Variants in GPM6A observed in about 807,000 individuals in gnomAD.
GPM6A encodes the protein neuronal membrane glycoprotein M6-a.
In GPM6A, 7 loss-of-function variants were observed where a neutral mutation model predicts 32.1. The observed-to-expected ratio is 0.22, with a 90% CI of 0.12 to 0.41. The LOEUF is 0.41. GPM6A is among the 10% of genes least tolerant of loss of function. GPM6A has a pLI of 1.00. For missense variants in GPM6A, 235 were observed against 347.2 expected (o/e 0.68, Z 2.57); for synonymous variants, 130 against 123.4 (o/e 1.05, Z -0.35).
chr4:175,927,674 C>G (rs1039728942), intron 1 of GPM6A, among the ~76,000 whole-genome samples: 1 of 152,208 alleles, frequency 6.6e-6, no homozygotes, highest in East Asian at 1.9e-4. Flanking sequence ...CACTTGAGGT[C>G]AGGCGCTCGA....
At chr4:175,869,776 AC>A (rs1280666165) in intron 1 of GPM6A, among the ~76,000 whole-genome samples, 12 of 128,996 alleles carry the variant, frequency 9.3e-5, no homozygotes, top group African/African-American at 2.2e-4. Context: ...AAAAACAAAA[AC>A]AAACAAAAAA....
chr4:175,645,683 T>G (rs1226325637), intron 4 of GPM6A, among the ~76,000 whole-genome samples: 1 of 152,144 alleles, frequency 6.6e-6, no homozygotes, highest in Non-Finnish European at 1.5e-5. Flanking sequence ...ATGGCGCCAC[T>G]GCACTCCAGC....
At chr4:175,999,917 TAAGTA>T (rs1561029489) in intron 1 of GPM6A, among the ~76,000 whole-genome samples, 1 of 152,164 alleles carries the variant, frequency 6.6e-6, no homozygotes, top group African/African-American at 2.4e-5. Flanking sequence ...TTATTTTTCA[TAAGTA>T]AATTAAAAGA....
chr4:175,857,619 G>A (rs774674438), intron 1 of GPM6A, among the ~76,000 whole-genome samples: 20 of 152,046 alleles, frequency 1.3e-4, no homozygotes, highest in East Asian at 3.9e-4. Flanking sequence ...TCTGAATTCC[G>A]TAATACTTTC....
At chr4:175,837,416 C>T (rs560834772) in intron 1 of GPM6A, among the ~76,000 whole-genome samples, 20 of 152,270 alleles carry the variant, frequency 1.3e-4, no homozygotes, top group African/African-American at 4.8e-4. Context: ...CAGCAGGCTG[C>T]GCTGTTGAGA....
At chr4:175,645,198 T>C (rs986477367) in intron 4 of GPM6A, among the ~76,000 whole-genome samples, 6 of 152,304 alleles carry the variant, frequency 3.9e-5, no homozygotes, top group African/African-American at 1.2e-4. Context: ...TGCATGAAAG[T>C]TGCAGTAACG....
intron 1 of GPM6A, among the ~76,000 whole-genome samples, chr4:175,847,420 T>A (rs768786461): frequency 8.5e-5 from 13 of 152,140 alleles, no homozygotes; most frequent in Non-Finnish European, 1.9e-4. Context: ...TGTAATGAAA[T>A]CTTGCACCTT....
In GPM6A at chr4:175,937,989, T is replaced by C. The variant is rs72704546; in HGVS notation, c.-23+64320A>G. On this transcript the variant is annotated intron_variant, in intron 1 of 7. Coordinates refer to the GPM6A transcript ENST00000280187. ...AATTCTAAAGTTGATAGTCAGTTAT[T>C]TATATGGACGTGACCTCAAGTGAAT... 7.6e-4 allele frequency among the ~76,000 whole-genome samples: 115 copies of C among 152,242 alleles called. 1 individual carries two copies. Among genetic ancestry groups the C allele is most frequent in the Non-Finnish European group, 1.1e-3 (72 of 68,004 alleles).
intron 1 of GPM6A, among the ~76,000 whole-genome samples, chr4:175,842,228 A>C (rs868786599): frequency 1.3e-5 from 2 of 152,148 alleles, no homozygotes; most frequent in Non-Finnish European, 2.9e-5. Context: ...GATTCTCCAA[A>C]AGCAAATTTA....
Position 175,732,687 on chromosome 4 carries a change from C to T in GPM6A, c.38-30920G>A, listed in dbSNP as rs554691992. Among the ~76,000 whole-genome samples the T allele has an allele frequency of 3.1e-4, 47 of 152,212 alleles. 1 individual carries two copies. The South Asian group carries it at 9.3e-3, about 30-fold the overall frequency. On this transcript the variant is annotated intron_variant, in intron 1 of 6. Transcript: ENST00000393658. ...CTAACTCAAATACTTAATACCATAA[C>T]TTAAGGCTACCTTGTAGTATGTGAT...
chr4:175,842,149 G>A (rs1026729262), intron 1 of GPM6A, among the ~76,000 whole-genome samples: 2 of 151,830 alleles, frequency 1.3e-5, no homozygotes, highest in Admixed American at 6.6e-5. Context: ...ATTTCCCTAT[G>A]GTAACAGCAA....
intron 2 of GPM6A, among the ~76,000 whole-genome samples, chr4:175,679,160 C>A (rs1743543599): frequency 6.6e-6 from 1 of 152,102 alleles, no homozygotes; most frequent in African/African-American, 2.4e-5. Flanking sequence ...CTCTGGTCTT[C>A]TTTAATCTGG....
chr4:175,669,893 G>A (rs931378833), intron 3 of GPM6A, among the ~76,000 whole-genome samples: 2 of 152,106 alleles, frequency 1.3e-5, no homozygotes, highest in African/African-American at 4.8e-5. Flanking sequence ...ATATGAATGT[G>A]AAGGCAGTGA....
At chr4:175,660,479 T>A (rs1742345911) in intron 3 of GPM6A, among the ~76,000 whole-genome samples, 1 of 152,114 alleles carries the variant, frequency 6.6e-6, no homozygotes, top group Admixed American at 6.5e-5. Flanking sequence ...AATTTTAATA[T>A]ATTATGTGAA....
chr4:175,645,239 T>C (rs919842646), intron 4 of GPM6A, among the ~76,000 whole-genome samples: 1 of 152,188 alleles, frequency 6.6e-6, no homozygotes, highest in African/African-American at 2.4e-5. Context: ...TTTTTCATGC[T>C]AGCTAAACAC....
At chr4:175,993,869 C>G (rs986985790) in intron 1 of GPM6A, among the ~76,000 whole-genome samples, 1 of 152,142 alleles carries the variant, frequency 6.6e-6, no homozygotes, top group African/African-American at 2.4e-5. Context: ...TTTCATCAGA[C>G]GCAGTATTTA....
intron 1 of GPM6A, among the ~76,000 whole-genome samples, chr4:175,887,535 C>T (rs1333188919): frequency 6.6e-6 from 1 of 151,402 alleles, no homozygotes; most frequent in Non-Finnish European, 1.5e-5. Flanking sequence ...TCACAAGAAG[C>T]AATAAAGATG....
rs1742215409 is a variant in GPM6A at position 175,658,479 on chromosome 4, T to C, written c.388-6492A>G. ...TTTGTAGAACCGTGAAACTATTCTG[T>C]ATGAAAGTATAATGGTGGATACGTG... On this transcript the variant is annotated intron_variant, in intron 3 of 6. Transcript: ENST00000393658. Among the ~76,000 whole-genome samples the C allele has an allele frequency of 1.3e-5, 2 of 152,134 alleles. 1 individual carries two copies. The highest frequency in any genetic ancestry group is 4.1e-4 in the South Asian group (2 of 4,830).
intron 1 of GPM6A, among the ~76,000 whole-genome samples, chr4:175,791,917 T>A (rs1029797793): frequency 2.6e-5 from 4 of 152,162 alleles, no homozygotes; most frequent in African/African-American, 9.7e-5. Flanking sequence ...GGGAGCCTAT[T>A]TTTTAAATCA....
Sources: allele counts gnomAD v4.1 joint callset (sites outside exome capture counted in the v4.1 genomes callset), GRCh38; gene constraint gnomAD v4.1.1; transcripts MANE v1.5; gene names NCBI Gene and HGNC (gene_info 2026-07-23, HGNC 2026-07-21).